Variants in HDAC9 observed in about 807,000 individuals in gnomAD.
HDAC9 encodes MEF-2 interacting transcription repressor (MITR) protein.
HDAC9 carries 41 observed loss-of-function variants against 139.4 expected under a neutral mutation model. The observed-to-expected ratio is 0.29, with a 90% confidence interval of 0.23 to 0.38. The LOEUF (loss-of-function observed/expected upper bound fraction) is 0.38. Ranked by LOEUF, HDAC9 falls within the 10% of genes least tolerant of loss-of-function variation. The pLI is 1.00. For missense variants in HDAC9, 1,147 were observed against 1,297.0 expected (o/e 0.88, Z 1.78); for synonymous variants, 517 against 476.2 (o/e 1.09, Z -1.12).
At chr7:18,515,782 T>A (rs909655999) in intron 2 of HDAC9, among the ~76,000 whole-genome samples, 1 of 152,216 alleles carries the variant, frequency 6.6e-6, no homozygotes, top group African/African-American at 2.4e-5. Context: ...AATTGCTTAA[T>A]GAATATTCAT....
intron 2 of HDAC9, among the ~76,000 whole-genome samples, chr7:18,165,858 A>C (rs935655522): frequency 3.3e-5 from 5 of 152,006 alleles, no homozygotes; most frequent in Admixed American, 3.3e-4. Flanking sequence ...GAAGGCAATA[A>C]TTTGAGGGGA....
In HDAC9 at chr7:18,629,463, C is replaced by G. The variant is rs1738254295; in HGVS notation, c.778C>G (p.Arg260Gly). Residue 260 changes from arginine (R) to glycine (G), a missense_variant, in exon 7 of 26, where the codon CGA (arginine) becomes GGA (glycine). Coordinates refer to ENST00000686413, the MANE Select transcript of HDAC9 (RefSeq NM_178425.4). Reference protein sequence around the residue: ...DGNVVTSFKKRMFEVTESSVS... With the variant: ...DGNVVTSFKKGMFEVTESSVS... ...AAATGTTGTCACTTCATTCAAGAAG[C>G]GAATGTTTGAGGTGACAGGTAATTG... 6.2e-7 allele frequency: 1 copy of G among 1,610,852 alleles called. No homozygotes were observed. Among genetic ancestry groups the G allele is most frequent in the Non-Finnish European group, 8.5e-7 (1 of 1,178,594 alleles).
At chr7:18,828,316 A>C (rs1365260560) in intron 17 of HDAC9, among the ~76,000 whole-genome samples, 1 of 152,208 alleles carries the variant, frequency 6.6e-6, no homozygotes, top group East Asian at 1.9e-4. Flanking sequence ...AGGTGGTGTG[A>C]ACCATGTGAT....
chr7:18,349,229 G>A (rs1426734531), intron 1 of HDAC9, among the ~76,000 whole-genome samples: 1 of 150,542 alleles, frequency 6.6e-6, no homozygotes, highest in Non-Finnish European at 1.5e-5. Context: ...AAACTGTCTT[G>A]CCTTAGGTAA....
At chr7:18,240,521 T>G (rs1313591622) in intron 2 of HDAC9, among the ~76,000 whole-genome samples, 2 of 152,172 alleles carry the variant, frequency 1.3e-5, no homozygotes, top group African/African-American at 4.8e-5. Flanking sequence ...AGAATTCCTC[T>G]GAGAAAAAAA....
At chr7:18,754,209 G>C (rs1339324368) in intron 14 of HDAC9, among the ~76,000 whole-genome samples, 3 of 151,936 alleles carry the variant, frequency 2.0e-5, no homozygotes, top group African/African-American at 7.2e-5. Context: ...TGATTCTGTT[G>C]GGAGCAAAGA....
At chr7:18,172,277 C>T (rs895297045) in intron 2 of HDAC9, among the ~76,000 whole-genome samples, 13 of 151,942 alleles carry the variant, frequency 8.6e-5, no homozygotes, top group African/African-American at 2.4e-4. Context: ...TTTGTATTTC[C>T]GTGGGATCGG....
chr7:18,104,575 A>G (rs933588977), intron 1 of HDAC9, among the ~76,000 whole-genome samples: 4 of 152,268 alleles, frequency 2.6e-5, no homozygotes, highest in African/African-American at 9.6e-5. Flanking sequence ...TTCAATTTTC[A>G]GTTCCCAGTG....
At chr7:18,744,176 G>C (rs993825777) in intron 13 of HDAC9, among the ~76,000 whole-genome samples, 13 of 151,964 alleles carry the variant, frequency 8.6e-5, no homozygotes, top group African/African-American at 2.4e-4. Context: ...ATTTTTAGTA[G>C]AGACGGGGTT....
intron 1 of HDAC9, among the ~76,000 whole-genome samples, chr7:18,299,204 C>T (rs764705157): frequency 5.9e-4 from 88 of 148,568 alleles, no homozygotes; most frequent in Non-Finnish European, 1.0e-3. Context: ...AGCACCTTGG[C>T]TGTACAACTC....
chr7:18,479,933 G>A (rs1795413822), intron 1 of HDAC9, among the ~76,000 whole-genome samples: 1 of 149,690 alleles, frequency 6.7e-6, no homozygotes, highest in Admixed American at 6.6e-5. Flanking sequence ...TCTAAAATCT[G>A]CTAATTTTAG....
At chr7:18,430,409 A>T (rs1371073020) in intron 1 of HDAC9, 1 of 152,192 alleles carries the variant, frequency 6.6e-6, no homozygotes, top group African/African-American at 2.4e-5. Context: ...TTTTTTGTAG[A>T]GATAGAGTCT....
intron 2 of HDAC9, among the ~76,000 whole-genome samples, chr7:18,164,689 T>G (rs1284598849): frequency 6.6e-6 from 1 of 152,228 alleles, no homozygotes; most frequent in Non-Finnish European, 1.5e-5. Flanking sequence ...ATGGTTGATA[T>G]GAAATACAAA....
chr7:18,155,000 C>T (rs1456748584), intron 1 of HDAC9, among the ~76,000 whole-genome samples: 2 of 152,082 alleles, frequency 1.3e-5, no homozygotes, highest in African/African-American at 2.4e-5. Context: ...TCCTTCACTT[C>T]GACTATTACT....
At chr7:18,946,961 TA>T (rs1229565988) in intron 23 of HDAC9, among the ~76,000 whole-genome samples, 2 of 152,066 alleles carry the variant, frequency 1.3e-5, no homozygotes, top group East Asian at 3.8e-4. Context: ...ATACATAGTA[TA>T]ATTTCTTACC....
intron 8 of HDAC9, among the ~76,000 whole-genome samples, chr7:18,639,222 T>C (rs930456176): frequency 2.0e-5 from 3 of 152,100 alleles, no homozygotes; most frequent in African/African-American, 7.2e-5. Context: ...TTCATAATAG[T>C]TGTTGTGACA....
chr7:18,819,072 G>A (rs1412204080), intron 17 of HDAC9, among the ~76,000 whole-genome samples: 1 of 152,086 alleles, frequency 6.6e-6, no homozygotes, highest in Non-Finnish European at 1.5e-5. Context: ...TTGAAGTCAG[G>A]AGTTCAAGAC....
chr7:18,996,959 A>G lies in HDAC9; in HGVS notation c.*897A>G, dbSNP rs1017118831. ...TTCAAAGGTGGTCTTAATTTGTTGC[A>G]TATCTATCAAGGACTTATTCACTCA... is the stretch of plus-strand genomic sequence containing the variant. On this transcript the variant is annotated 3_prime_UTR_variant, in exon 26 of 26. Transcript: ENST00000686413. The G allele has an allele frequency of 2.6e-5, 4 of 152,162 alleles. No homozygotes were observed. In the East Asian group the frequency reaches 5.8e-4, roughly 22 times the overall value. The allele number at this position is 152,162 out of a possible 1,614,324, so 9.4% of individuals were successfully genotyped here.
At chr7:18,616,863 G>T (rs1173389334) in intron 6 of HDAC9, among the ~76,000 whole-genome samples, 3 of 152,162 alleles carry the variant, frequency 2.0e-5, no homozygotes, top group Non-Finnish European at 4.4e-5. Flanking sequence ...GTGAAGAGTT[G>T]AATAGACTTA....
Sources: allele counts gnomAD v4.1 joint callset (sites outside exome capture counted in the v4.1 genomes callset), GRCh38; gene constraint gnomAD v4.1.1; transcripts MANE v1.5; gene names NCBI Gene and HGNC (gene_info 2026-07-23, HGNC 2026-07-21).